Variants in ATP12A observed in about 807,000 individuals in gnomAD.
The protein encoded by ATP12A is ATPase H+/K+ transporting non-gastric alpha2 subunit, also known as potassium-transporting ATPase alpha chain 2.
In ATP12A, 81 loss-of-function variants were observed where a neutral mutation model predicts 111.2. The ratio of observed to expected loss-of-function variants is 0.73; its 90% CI spans 0.61 to 0.88. The LOEUF (loss-of-function observed/expected upper bound fraction) is 0.88. ATP12A is among the 40% of genes least tolerant of loss of function. ATP12A has a pLI of 0.00. For synonymous variants in ATP12A, 498 were observed against 499.8 expected (o/e 1.00, Z 0.05); for missense variants, 1,196 against 1,313.1 (o/e 0.91, Z 1.38).
At chr13:24,706,874 A>C (rs951021817) in intron 15 of ATP12A, 149 bp from the exon 16 acceptor site, 5 of 884,422 alleles carry the variant, frequency 5.7e-6, no homozygotes, top group Non-Finnish European at 8.3e-6. Flanking sequence ...AAGATTTCTC[A>C]TCTTTATCTT....
chr13:24,697,617 G>A lies in ATP12A; in HGVS notation c.1513-1041G>A, dbSNP rs368173117. Among the ~76,000 whole-genome samples, 441 of 148,700 alleles carry A rather than the reference G, an allele frequency of 3.0e-3. 6 individuals carry two copies. Among genetic ancestry groups the A allele is most frequent in the African/African-American group, 0.01 (408 of 39,824 alleles). ...ATCGTGCCACTGCACTCCAGCCTGG[G>A]GCACAGAGTGGGACCCCGTCTCAAA... On this transcript the variant is annotated intron_variant, in intron 11 of 22. Transcript: ENST00000381946.
chr13:24,707,177 CAG>C lies in ATP12A; in HGVS notation c.2325_2326del (p.Val777GlyfsTer8). 6.2e-7 allele frequency: 1 copy of C among 1,613,746 alleles called. No individual in the cohort carries two copies. The highest frequency in any genetic ancestry group is 8.5e-7 in the Non-Finnish European group (1 of 1,179,784). ...GACGACAACTTCGCATCCATCGTCA[CAG>C]GGGTGGAGGAAGGTGAGTGAGTCTC... On this transcript the variant is annotated frameshift_variant, in exon 16 of 23. Transcript: ENST00000381946. LOFTEE classifies it high-confidence loss of function.
intron 8 of ATP12A, among the ~76,000 whole-genome samples, chr13:24,691,688 T>C (rs1874913109): frequency 6.6e-6 from 1 of 152,078 alleles, no homozygotes; most frequent in African/African-American, 2.4e-5. Flanking sequence ...AGCCCTTTCC[T>C]GGCCAACCCC....
In ATP12A at chr13:24,707,558, T is replaced by C. The variant is rs111380953; in HGVS notation, c.2493+125T>C. The C allele has an allele frequency of 5.7e-5, 73 of 1,280,290 alleles. 2 individuals carry two copies. In the African/African-American group the frequency reaches 7.7e-4, roughly 14 times the overall value. 79.3% of individuals were successfully genotyped at this position (1,280,290 alleles called of 1,614,324 possible). On this transcript the variant is annotated intron_variant, in intron 17 of 22. Coordinates refer to ENST00000381946, the MANE Select transcript of ATP12A (RefSeq NM_001676.7). ...TTCTCAGCTTCCATGTGATGGGGCCTGTAGCTCTGCATTTCTCACAGGTTC... is the reference window on the plus strand; with the variant it reads ...TTCTCAGCTTCCATGTGATGGGGCCCGTAGCTCTGCATTTCTCACAGGTTC...
At position 24,692,815 on chromosome 13, in the gene ATP12A, T is replaced by C; in HGVS notation, c.1296T>C (p.Thr432=). The part of the protein sequence containing the change: ...SNQVFDQSSR[T]WASLSKIITL... ...AAGTCTTTGACCAAAGCTCTAGGAC[T>C]TGGGCCTCCTTATCCAAGATAATAA... Residue 432 remains threonine (T), a synonymous_variant, in exon 10 of 23, where the codon ACT becomes ACC. Coordinates refer to ENST00000381946, the MANE Select transcript of ATP12A (RefSeq NM_001676.7). 2 of 1,614,234 alleles carry C rather than the reference T, an allele frequency of 1.2e-6. No homozygotes were observed. The highest frequency in any genetic ancestry group is 1.7e-6 in the Non-Finnish European group (2 of 1,180,036).
chr13:24,700,283 C>T (rs933336626), intron 12 of ATP12A, among the ~76,000 whole-genome samples: 2 of 152,168 alleles, frequency 1.3e-5, no homozygotes, highest in Non-Finnish European at 2.9e-5. Flanking sequence ...GTTTTCTCTG[C>T]TGAAAATGGC....
intron 11 of ATP12A, 60 bp downstream of exon 11, chr13:24,694,638 A>G (rs2289898): frequency 0.25 from 400,159 of 1,606,648 alleles, 53,831 homozygotes; most frequent in East Asian, 0.51. Context: ...TTCTACTTGC[A>G]TGCATCCTTT....
At chr13:24,689,226 C>A (rs942204342) in intron 4 of ATP12A, 36 bp from the exon 5 acceptor site, 5 of 1,580,834 alleles carry the variant, frequency 3.2e-6, no homozygotes, top group Non-Finnish European at 4.3e-6. Flanking sequence ...CTTCCCACTG[C>A]TGGTTTCTCT....
intron 12 of ATP12A, among the ~76,000 whole-genome samples, chr13:24,700,135 C>T (rs554006407): frequency 6.6e-6 from 1 of 152,330 alleles, no homozygotes; most frequent in Admixed American, 6.5e-5. Flanking sequence ...TCCCTTCCAC[C>T]TCAGCCTATG....
At chr13:24,703,196 C>T (rs912911650) in intron 14 of ATP12A, among the ~76,000 whole-genome samples, 3 of 152,100 alleles carry the variant, frequency 2.0e-5, no homozygotes, top group African/African-American at 4.8e-5. Flanking sequence ...GTAAGATAAT[C>T]GGATTATACT....
chr13:24,701,240 G>A (rs1875379479), intron 13 of ATP12A, among the ~76,000 whole-genome samples: 1 of 152,188 alleles, frequency 6.6e-6, no homozygotes, highest in Admixed American at 6.5e-5. Flanking sequence ...GCTCATGCCT[G>A]AAATCCCAGC....
chr13:24,690,855 G>C (rs143195830), intron 7 of ATP12A, 127 bp from the exon 8 acceptor site: 1 of 1,466,338 alleles, frequency 6.8e-7, no homozygotes, highest in Non-Finnish European at 9.4e-7. Context: ...GGGCCTAGAG[G>C]ACGATGCTTG....
chr13:24,694,514 T>G lies in ATP12A; in HGVS notation c.1448T>G (p.Met483Arg). 1 of 1,614,186 alleles carries G rather than the reference T, an allele frequency of 6.2e-7. No homozygotes were observed. Among genetic ancestry groups the G allele is most frequent in the Non-Finnish European group, 8.5e-7 (1 of 1,180,028 alleles). The change falls in exon 11 of 23, where the codon ATG (methionine) becomes AGG (arginine). Residue 483 changes from methionine to arginine, a missense_variant. Transcript: ENST00000381946. ...TCAGAGGTCATTTTGGGTGATGTGA[T>G]GGAAATTAGAAAAAGAAACCGCAAA... Reference protein sequence around the residue: ...KFSEVILGDVMEIRKRNRKVA... With the variant: ...KFSEVILGDVREIRKRNRKVA...
intron 18 of ATP12A, 70 bp from the exon 19 acceptor site, chr13:24,709,613 G>C: frequency 6.3e-7 from 1 of 1,598,128 alleles, no homozygotes; most frequent in South Asian, 1.1e-5. Context: ...GGGGAACCGA[G>C]AGTAGACAGG....
chr13:24,682,399 G>A (rs1330319274), intron 2 of ATP12A, among the ~76,000 whole-genome samples: 4 of 151,032 alleles, frequency 2.6e-5, no homozygotes, highest in African/African-American at 7.3e-5. Flanking sequence ...TGTGGTGTGT[G>A]TATGTGTGTG....
Position 24,680,734 on chromosome 13 carries a change from C to A in ATP12A, c.-10C>A. 1.3e-6 allele frequency: 2 copies of A among 1,502,460 alleles called. No homozygotes were observed. Among genetic ancestry groups the A allele is most frequent in the Non-Finnish European group, 1.8e-6 (2 of 1,133,124 alleles). The allele number at this position is 1,502,460 out of a possible 1,614,324, so 93.1% of individuals were successfully genotyped here. On this transcript the variant is annotated 5_prime_UTR_variant, in exon 1 of 23. Coordinates refer to ENST00000381946, the MANE Select transcript of ATP12A (RefSeq NM_001676.7). ...TCCACGCCCGCAGCCCGCGGCGCCA[C>A]CAGCCCAGCATGCACCAGGTGCGTG...
chr13:24,695,783 AT>A (rs1280852912), intron 11 of ATP12A, among the ~76,000 whole-genome samples: 2 of 151,600 alleles, frequency 1.3e-5, no homozygotes, highest in Non-Finnish European at 2.9e-5. Flanking sequence ...ATTTTTTTGT[AT>A]TTTTAGTAGA....
chr13:24,708,975 G>C (rs1201284405), intron 17 of ATP12A, among the ~76,000 whole-genome samples: 4 of 122,808 alleles, frequency 3.3e-5, no homozygotes, highest in East Asian at 4.3e-4. Context: ...GAAAGAGAAA[G>C]AGAAATGAAT....
rs1285756661 is a variant in ATP12A, at chr13:24,680,546, G to C, written c.-198G>C. ...GCGGGGCGGGCGGCATTTAAGGCTG[G>C]TGCCACCTCCCCGGTGCAGCGGCTG... is the stretch of plus-strand genomic sequence containing the variant. On this transcript the variant is annotated 5_prime_UTR_variant, in exon 1 of 23. Transcript: ENST00000381946. 5 of 541,982 alleles carry C rather than the reference G, an allele frequency of 9.2e-6. No individual in the cohort carries two copies. The highest frequency in any genetic ancestry group is 1.5e-5 in the Non-Finnish European group (5 of 328,028). 33.6% of individuals were successfully genotyped at this position (541,982 alleles called of 1,614,324 possible). A position where few individuals can be genotyped will look rare whatever the true frequency, so the allele number is the denominator to read the frequency against.
Sources: gnomAD v4.1 joint callset for allele counts (sites outside exome capture counted in the v4.1 genomes callset) on GRCh38, gnomAD v4.1.1 for gene constraint, MANE v1.5 for transcripts, NCBI Gene and HGNC (gene_info 2026-07-23, HGNC 2026-07-21) for gene names.